The following SPAG16 variants were observed in gnomAD, a reference collection of about 807,000 sequenced individuals.
The protein encoded by SPAG16 is sperm associated antigen 16.
SPAG16 carries 86 observed loss-of-function variants against 80.4 expected under a neutral mutation model. That is an observed-to-expected ratio of 1.07 (90% CI 0.90 to 1.28). The LOEUF is 1.28. Among genes scored for constraint, SPAG16 ranks in the 50% most tolerant of loss-of-function variants. The pLI is 0.00. For missense variants in SPAG16, 870 were observed against 765.3 expected (o/e 1.14, Z -1.61); for synonymous variants, 294 against 265.9 (o/e 1.11, Z -1.03).
intron 11 of SPAG16, among the ~76,000 whole-genome samples, chr2:213,880,680 A>T (rs948128252): frequency 4.6e-5 from 7 of 152,210 alleles, no homozygotes; most frequent in African/African-American, 7.2e-5. Flanking sequence ...GTCCAGTTTC[A>T]TTCTTGTGCA....
At chr2:213,464,194 G>A (rs892648197) in intron 9 of SPAG16, among the ~76,000 whole-genome samples, 1 of 152,196 alleles carries the variant, frequency 6.6e-6, no homozygotes, top group Non-Finnish European at 1.5e-5. Context: ...GGTGAGAAAA[G>A]GCTGTCCTTA....
intron 15 of SPAG16, among the ~76,000 whole-genome samples, chr2:214,193,619 G>A (rs79845752): frequency 0.04 from 6,138 of 151,956 alleles, 180 homozygotes; most frequent in Middle Eastern, 0.071. Flanking sequence ...TCTCTGCAAC[G>A]TCTGTCATGG....
chr2:213,435,776 CA>C (rs1263478698), intron 9 of SPAG16, among the ~76,000 whole-genome samples: 2 of 152,140 alleles, frequency 1.3e-5, no homozygotes, highest in Non-Finnish European at 2.9e-5. Context: ...AGCAAATTAT[CA>C]GTTTTAATGT....
intron 3 of SPAG16, among the ~76,000 whole-genome samples, chr2:213,300,258 C>G (rs2062682880): frequency 6.6e-6 from 1 of 152,124 alleles, no homozygotes; most frequent in African/African-American, 2.4e-5. Context: ...TCTTTCTTCT[C>G]CCTTCCCTCC....
intron 6 of SPAG16, among the ~76,000 whole-genome samples, chr2:213,342,924 C>T (rs2064775036): frequency 1.3e-5 from 2 of 151,780 alleles, no homozygotes; most frequent in Non-Finnish European, 2.9e-5. Flanking sequence ...AGATATAACC[C>T]AAGCAGAGCA....
At chr2:214,221,047 C>T (rs1422288163) in intron 15 of SPAG16, among the ~76,000 whole-genome samples, 1 of 152,138 alleles carries the variant, frequency 6.6e-6, no homozygotes, top group Non-Finnish European at 1.5e-5. Context: ...AACGGAGTGT[C>T]ACACACATTC....
chr2:214,082,880 A>C (rs1035239646), intron 13 of SPAG16, among the ~76,000 whole-genome samples: 2 of 152,122 alleles, frequency 1.3e-5, no homozygotes, highest in East Asian at 3.9e-4. Flanking sequence ...CTCCCACCCC[A>C]TCACTCAGAC....
chr2:213,732,376 G>T (rs1399925170), intron 10 of SPAG16, among the ~76,000 whole-genome samples: 1 of 151,958 alleles, frequency 6.6e-6, no homozygotes, highest in East Asian at 1.9e-4. Flanking sequence ...AACAAAGAAA[G>T]TGAAGGAGGG....
chr2:213,610,738 C>T (rs1211247718), intron 10 of SPAG16, among the ~76,000 whole-genome samples: 1 of 152,124 alleles, frequency 6.6e-6, no homozygotes, highest in African/African-American at 2.4e-5. Flanking sequence ...AAGAACGCGT[C>T]TACCCTAGGT....
chr2:213,422,631 C>A, intron 9 of SPAG16: 1 of 299,888 alleles, frequency 3.3e-6, no homozygotes, highest in Non-Finnish European at 6.3e-6. Context: ...GATCCTGTGA[C>A]AGTATCAGAG....
chr2:214,166,062 T>C (rs893491416), intron 15 of SPAG16, among the ~76,000 whole-genome samples: 2 of 152,142 alleles, frequency 1.3e-5, no homozygotes, highest in Non-Finnish European at 1.5e-5. Flanking sequence ...CTCAAATCCA[T>C]GCAATGGAAT....
chr2:213,992,475 T>G (rs964136997), intron 12 of SPAG16, among the ~76,000 whole-genome samples: 1 of 152,232 alleles, frequency 6.6e-6, no homozygotes. Context: ...GACTACATTT[T>G]TTACATTAAA....
intron 15 of SPAG16, among the ~76,000 whole-genome samples, chr2:214,320,664 G>A (rs1696031318): frequency 6.6e-6 from 1 of 152,106 alleles, no homozygotes; most frequent in Non-Finnish European, 1.5e-5. Flanking sequence ...TGTGCAAAGG[G>A]GGCAGGGCGC....
chr2:213,363,926 T>TA, intron 7 of SPAG16, 150 bp from the exon 8 acceptor site: 1 of 311,552 alleles, frequency 3.2e-6, no homozygotes, highest in Non-Finnish European at 6.0e-6. Context: ...TTTCTTTTGT[T>TA]AAAATTTATG....
chr2:214,131,632 A>T lies in SPAG16; in HGVS notation c.1594-17508A>T, dbSNP rs187832782. Reference sequence around the variant, plus strand: ...TGGAATGTTACTCGGGACTTAAAAAAAAAATGAACTATTAAGCCATGAAAA... The same window carrying T: ...TGGAATGTTACTCGGGACTTAAAAATAAAATGAACTATTAAGCCATGAAAA... On this transcript the variant is annotated intron_variant, in intron 14 of 15. Transcript: ENST00000331683. Among the ~76,000 whole-genome samples the T allele has an allele frequency of 9.0e-3, 1,364 of 152,040 alleles. 27 individuals are homozygous for T. Among genetic ancestry groups the T allele is most frequent in the African/African-American group, 0.031 (1,291 of 41,476 alleles).
chr2:214,008,878 C>T (rs1037547088), intron 12 of SPAG16, among the ~76,000 whole-genome samples: 3 of 152,036 alleles, frequency 2.0e-5, no homozygotes, highest in Admixed American at 2.0e-4. Context: ...CATTTTTGCC[C>T]TTTCAGGCAT....
intron 13 of SPAG16, among the ~76,000 whole-genome samples, chr2:214,086,741 C>T (rs1283526521): frequency 2.0e-5 from 3 of 152,104 alleles, no homozygotes; most frequent in Non-Finnish European, 2.9e-5. Flanking sequence ...CCTATATTTT[C>T]GATGTCTCCT....
intron 9 of SPAG16, among the ~76,000 whole-genome samples, chr2:213,476,499 A>G (rs774115150): frequency 1.2e-4 from 18 of 152,330 alleles, no homozygotes; most frequent in Non-Finnish European, 2.2e-4. Context: ...CAGCTGCACT[A>G]TCCACTCTTA....
At chr2:214,215,870 G>A (rs2058419021) in intron 15 of SPAG16, among the ~76,000 whole-genome samples, 1 of 152,098 alleles carries the variant, frequency 6.6e-6, no homozygotes, top group Non-Finnish European at 1.5e-5. Flanking sequence ...TTATAATTCA[G>A]TCTAGATCCT....
Sources: gnomAD v4.1 joint callset for allele counts (sites outside exome capture counted in the v4.1 genomes callset) on GRCh38, gnomAD v4.1.1 for gene constraint, MANE v1.5 for transcripts, NCBI Gene and HGNC (gene_info 2026-07-23, HGNC 2026-07-21) for gene names.